Variants in MYZAP observed in about 807,000 individuals in gnomAD.
The protein encoded by MYZAP is myocardial zonula adherens protein.
In MYZAP, 66 loss-of-function variants were observed where a neutral mutation model predicts 69.4. That is an observed-to-expected ratio of 0.95 (90% CI 0.78 to 1.17). The LOEUF (loss-of-function observed/expected upper bound fraction) is 1.17. Ranked by LOEUF, MYZAP falls within the 50% of genes most tolerant of loss-of-function variation. The pLI is 0.00. For missense variants in MYZAP, 611 were observed against 556.2 expected (o/e 1.10, Z -0.99); for synonymous variants, 256 against 205.9 (o/e 1.24, Z -2.09).
intron 10 of MYZAP, among the ~76,000 whole-genome samples, chr15:57,641,059 G>A (rs891803053): frequency 5.9e-5 from 9 of 152,130 alleles, no homozygotes; most frequent in African/African-American, 1.2e-4. Context: ...TGGGGCAAGG[G>A]CATCCCTTAT....
At position 57,684,782 on chromosome 15, in the gene MYZAP, A is replaced by T. The variant is rs940509274; in HGVS notation, c.*284A>T. 4.8e-5 allele frequency: 12 copies of T among 249,252 alleles called. No individual in the cohort carries two copies. The highest frequency in any genetic ancestry group is 1.6e-4 in the African/African-American group (7 of 44,640). The allele number at this position is 249,252 out of a possible 1,614,324, so 15.4% of individuals were successfully genotyped here. ...TAGACACTGAAATCCTATCAGGAGG[A>T]TTCCTTCACAATGTATTTTATTTGC... On this transcript the variant is annotated 3_prime_UTR_variant, in exon 13 of 13. Transcript: ENST00000267853.
intron 11 of MYZAP, among the ~76,000 whole-genome samples, chr15:57,665,566 A>G (rs1397335004): frequency 6.6e-6 from 1 of 152,242 alleles, no homozygotes; most frequent in Non-Finnish European, 1.5e-5. Flanking sequence ...ACATGTCCTC[A>G]GTTAGTCCAG....
At chr15:57,648,501 T>C (rs2037562326) in intron 10 of MYZAP, 2 of 983,936 alleles carry the variant, frequency 2.0e-6, no homozygotes, top group South Asian at 4.7e-5. Context: ...CATTCCCATG[T>C]CAATCATCTC....
At chr15:57,633,191 G>A (rs2036610565) in intron 7 of MYZAP, among the ~76,000 whole-genome samples, 1 of 152,146 alleles carries the variant, frequency 6.6e-6, no homozygotes, top group Non-Finnish European at 1.5e-5. Flanking sequence ...GATTGACTGG[G>A]TTTTCTTGTT....
At chr15:57,642,577 G>A (rs2037222815) in intron 10 of MYZAP, among the ~76,000 whole-genome samples, 1 of 152,092 alleles carries the variant, frequency 6.6e-6, no homozygotes, top group Non-Finnish European at 1.5e-5. Flanking sequence ...CTTTCACCAT[G>A]GATGGAAGTC....
intron 10 of MYZAP, among the ~76,000 whole-genome samples, chr15:57,659,650 G>T (rs183820250): frequency 3.4e-4 from 52 of 152,246 alleles, no homozygotes; most frequent in African/African-American, 1.1e-3. Flanking sequence ...TAAGAATATT[G>T]AGTCAAATTA....
intron 4 of MYZAP, among the ~76,000 whole-genome samples, chr15:57,624,594 G>T (rs1482388656): frequency 6.6e-6 from 1 of 152,202 alleles, no homozygotes; most frequent in East Asian, 1.9e-4. Flanking sequence ...CAAAGCCAAA[G>T]AATTGGATTT....
At chr15:57,646,606 G>C in intron 10 of MYZAP, 1 of 999,284 alleles carries the variant, frequency 1.0e-6, no homozygotes, top group Non-Finnish European at 1.2e-6. Context: ...CTTGAAGAAT[G>C]TTAGTGCTCT....
In MYZAP at chr15:57,604,251, C is replaced by T; in HGVS notation, c.76-18C>T. ...AAATGCTGACTCCTAACTGGCCTCTCCTTTCCCTCTCTTCTAGGCAAATGT... is the reference window on the plus strand; with the variant it reads ...AAATGCTGACTCCTAACTGGCCTCTTCTTTCCCTCTCTTCTAGGCAAATGT... On this transcript the variant is annotated intron_variant, in intron 1 of 12. Transcript: ENST00000267853. 3 of 1,613,806 alleles carry T rather than the reference C, an allele frequency of 1.9e-6. No individual in the cohort carries two copies. Among genetic ancestry groups the T allele is most frequent in the Non-Finnish European group, 1.7e-6 (2 of 1,179,876 alleles).
intron 5 of MYZAP, among the ~76,000 whole-genome samples, chr15:57,627,471 A>G (rs1251187980): frequency 6.6e-6 from 1 of 151,884 alleles, no homozygotes; most frequent in Admixed American, 6.5e-5. Flanking sequence ...AGGAAACTCA[A>G]CCTGGTAGAG....
At chr15:57,646,401 C>T in intron 10 of MYZAP, 1 of 1,114,474 alleles carries the variant, frequency 9.0e-7, no homozygotes, top group Non-Finnish European at 1.1e-6. Context: ...ACTTGTACAG[C>T]CTCAAACTGC....
chr15:57,684,131 AG>A (rs56295146), intron 12 of MYZAP, among the ~76,000 whole-genome samples: 108,329 of 151,928 alleles, frequency 0.71, 40,657 homozygotes, highest in East Asian at 0.93. Flanking sequence ...CCCATTCATG[AG>A]GGCTCCACCC....
intron 5 of MYZAP, among the ~76,000 whole-genome samples, chr15:57,628,612 G>A (rs35947886): frequency 0.19 from 29,034 of 151,978 alleles, 3,460 homozygotes; most frequent in Non-Finnish European, 0.27. Context: ...TTACTTGTGC[G>A]GCTTGGAGCA....
chr15:57,646,343 A>G lies in MYZAP; in HGVS notation c.1119+6798A>G, dbSNP rs1266525442. On this transcript the variant is annotated intron_variant, in intron 10 of 12. Coordinates refer to ENST00000267853, the MANE Select transcript of MYZAP (RefSeq NM_001018100.5). ...GACATATTATTTAAAGGAAAATTTG[A>G]CCATGTGGGGCTCTTGTTTGTGAAA... The G allele has an allele frequency of 5.9e-6, 7 of 1,189,612 alleles. No individual in the cohort carries two copies. The South Asian group carries it at 8.1e-5, about 14-fold the overall frequency. 73.7% of individuals were successfully genotyped at this position (1,189,612 alleles called of 1,614,324 possible).
intron 11 of MYZAP, among the ~76,000 whole-genome samples, chr15:57,671,725 C>A (rs1437994567): frequency 6.6e-6 from 1 of 151,832 alleles, no homozygotes; most frequent in African/African-American, 2.4e-5. Context: ...CTAAAATTTT[C>A]ATTTAGTTCT....
chr15:57,613,623 G>A (rs544055451), intron 2 of MYZAP, among the ~76,000 whole-genome samples: 16 of 152,228 alleles, frequency 1.1e-4, no homozygotes, highest in African/African-American at 3.1e-4. Context: ...TGCCTGCCTT[G>A]GCCTCCCAAA....
At chr15:57,681,982 C>T (rs1481267365) in intron 12 of MYZAP, among the ~76,000 whole-genome samples, 3 of 152,026 alleles carry the variant, frequency 2.0e-5, no homozygotes, top group African/African-American at 4.8e-5. Flanking sequence ...GAAAGGGATT[C>T]GACTCTTAGG....
intron 10 of MYZAP, among the ~76,000 whole-genome samples, chr15:57,650,344 C>T (rs2037667293): frequency 1.3e-5 from 2 of 152,034 alleles, no homozygotes; most frequent in African/African-American, 2.4e-5. Context: ...AGTTGGTACA[C>T]GTTTAAGAAG....
chr15:57,669,402 AC>A (rs1176334938), intron 11 of MYZAP, among the ~76,000 whole-genome samples: 2 of 151,792 alleles, frequency 1.3e-5, no homozygotes, highest in Non-Finnish European at 1.5e-5. Context: ...AGGTATCAAT[AC>A]TCTTTTTTTC....
Sources: gnomAD v4.1 joint callset for allele counts (sites outside exome capture counted in the v4.1 genomes callset) on GRCh38, gnomAD v4.1.1 for gene constraint, MANE v1.5 for transcripts, NCBI Gene and HGNC (gene_info 2026-07-23, HGNC 2026-07-21) for gene names.